GATAD1: variants seen among roughly 807,000 people sequenced by gnomAD.
GATAD1 encodes the protein GATA zinc finger domain-containing protein 1.
Under a neutral mutation model 26.5 loss-of-function variants are expected in GATAD1, and 12 were observed. The ratio of observed to expected loss-of-function variants is 0.45; its 90% CI spans 0.29 to 0.73. The LOEUF is 0.73. Among genes scored for constraint, GATAD1 ranks in the 30% least tolerant of loss-of-function variants. GATAD1 has a pLI of 0.10. For synonymous variants in GATAD1, 129 were observed against 133.1 expected, an observed-to-expected ratio of 0.97 and a Z score of 0.21; for missense variants, 266 against 342.1, an observed-to-expected ratio of 0.78 and a Z score of 1.75.
chr7:92,492,851 C>T, the GATAD1 span: 44 of 893,292 alleles, frequency 4.9e-5, no homozygotes, highest in Non-Finnish European at 8.0e-5. Context: ...TACAGTTTTA[C>T]CAAAGTTGTT....
At position 92,458,222 on chromosome 7, in the gene GATAD1, T is replaced by C. The variant is rs1168246513; in HGVS notation, c.*1660T>C. 6.6e-6 allele frequency: 1 copy of C among 152,232 alleles called. No individual in the cohort carries two copies. Among genetic ancestry groups the C allele is most frequent in the African/African-American group, 2.4e-5 (1 of 41,458 alleles). 9.4% of individuals were successfully genotyped at this position (152,232 alleles called of 1,614,324 possible). On this transcript the variant is annotated 3_prime_UTR_variant, in exon 5 of 5. Coordinates refer to ENST00000287957, the MANE Select transcript of GATAD1 (RefSeq NM_021167.5). Reference sequence around the variant, plus strand: ...ATTCCATTGATCTTAATAAAGCTGCTCTTTACTGTTTCTAGTCAAAAATGA... The same window carrying C: ...ATTCCATTGATCTTAATAAAGCTGCCCTTTACTGTTTCTAGTCAAAAATGA...
chr7:92,494,436 A>G, the GATAD1 span: 19 of 1,611,048 alleles, frequency 1.2e-5, no homozygotes, highest in East Asian at 4.2e-4. Flanking sequence ...AAATCTGATG[A>G]CATGATGACA....
At chr7:92,450,207 A>G (rs1465224882) in intron 2 of GATAD1, 5 of 153,192 alleles carry the variant, frequency 3.3e-5, no homozygotes, top group Non-Finnish European at 7.3e-5. Flanking sequence ...GATGGTAGCA[A>G]ATTACTAAGA....
chr7:92,486,298 C>G, the GATAD1 span, among the ~76,000 whole-genome samples: 2 of 152,192 alleles, frequency 1.3e-5, no homozygotes, highest in Non-Finnish European at 2.9e-5. Flanking sequence ...GGGGACACAC[C>G]TTGGAATTGT....
chr7:92,488,729 AT>A, the GATAD1 span, among the ~76,000 whole-genome samples: 5,179 of 142,434 alleles, frequency 0.036, 70 homozygotes, highest in Non-Finnish European at 0.045. Context: ...AAGTTACTAA[AT>A]TTTTTTTTTT....
the GATAD1 span, among the ~76,000 whole-genome samples, chr7:92,485,011 A>C: frequency 6.6e-6 from 1 of 151,898 alleles, no homozygotes; most frequent in Admixed American, 6.6e-5. Flanking sequence ...AATTATAATC[A>C]AAGGGGGTTT....
chr7:92,451,438 T>C (rs1207488990), intron 3 of GATAD1, among the ~76,000 whole-genome samples: 3 of 152,192 alleles, frequency 2.0e-5, no homozygotes, highest in Non-Finnish European at 4.4e-5. Flanking sequence ...GCAGCAACCA[T>C]TGAAGGCTAT....
chr7:92,465,778 A>G, the GATAD1 span, among the ~76,000 whole-genome samples: 2 of 152,030 alleles, frequency 1.3e-5, no homozygotes, highest in Non-Finnish European at 2.9e-5. Context: ...AGGTTGGGGG[A>G]TCACCTGAGG....
downstream of GATAD1, among the ~76,000 whole-genome samples, chr7:92,462,065 T>A (rs1484441269): frequency 6.6e-6 from 1 of 152,196 alleles, no homozygotes; most frequent in African/African-American, 2.4e-5. Flanking sequence ...TCTATAATCT[T>A]AAAAGTATTA....
intron 2 of GATAD1, chr7:92,449,694 T>C: frequency 1.4e-5 from 10 of 734,268 alleles, no homozygotes; most frequent in Non-Finnish European, 1.7e-5. Flanking sequence ...TTTAATTTAA[T>C]TTAATGAATT....
chr7:92,455,333 A>G (rs544431377), intron 4 of GATAD1, among the ~76,000 whole-genome samples: 1 of 152,338 alleles, frequency 6.6e-6, no homozygotes, highest in East Asian at 1.9e-4. Flanking sequence ...TGTATTGCTC[A>G]GGAACTAGGT....
the GATAD1 span, chr7:92,489,789 T>A: frequency 6.2e-7 from 1 of 1,614,128 alleles, no homozygotes; most frequent in Non-Finnish European, 8.5e-7. Flanking sequence ...CTTGTGTAAG[T>A]TCTTGGCAAC....
chr7:92,462,931 C>T (rs907300641), downstream of GATAD1: 1 of 152,178 alleles, frequency 6.6e-6, no homozygotes. Flanking sequence ...TTGTTTAAAC[C>T]ACTCAGGCTA....
chr7:92,454,796 A>G, intron 4 of GATAD1, 111 bp downstream of exon 4: 1 of 706,988 alleles, frequency 1.4e-6, no homozygotes, highest in Non-Finnish European at 2.3e-6. Flanking sequence ...TCACAGACTG[A>G]GTGGCTTAAA....
chr7:92,488,164 A>G, the GATAD1 span, among the ~76,000 whole-genome samples: 3 of 152,340 alleles, frequency 2.0e-5, no homozygotes, highest in Admixed American at 2.0e-4. Flanking sequence ...AATTTTCAGG[A>G]TGTATGTGGA....
chr7:92,491,291 T>C, the GATAD1 span: 57 of 1,609,198 alleles, frequency 3.5e-5, no homozygotes, highest in Non-Finnish European at 4.8e-5. Context: ...AGAGGTTCCA[T>C]TTCCAAGTTC....
chr7:92,477,326 A>T, the GATAD1 span: 2 of 152,224 alleles, frequency 1.3e-5, no homozygotes, highest in African/African-American at 4.8e-5. Context: ...ATTTTCCTCC[A>T]ATTCTAAGGA....
At chr7:92,488,760 C>T in the GATAD1 span, among the ~76,000 whole-genome samples, 6 of 146,518 alleles carry the variant, frequency 4.1e-5, no homozygotes, top group South Asian at 4.3e-4. Flanking sequence ...GACACAGTCT[C>T]GCTCTGTGGC....
At chr7:92,494,703 G>A in the GATAD1 span, 1 of 1,171,644 alleles carries the variant, frequency 8.5e-7, no homozygotes, top group Non-Finnish European at 1.2e-6. Flanking sequence ...ATACATATAT[G>A]AATGTATTTA....
Sources: gnomAD v4.1 joint callset for allele counts (sites outside exome capture counted in the v4.1 genomes callset) on GRCh38, gnomAD v4.1.1 for gene constraint, MANE v1.5 for transcripts, NCBI Gene and HGNC (gene_info 2026-07-23, HGNC 2026-07-21) for gene names.